The following DNAJB13 variants were observed in gnomAD, a reference collection of about 807,000 sequenced individuals.
DNAJB13 encodes the protein dnaJ homolog subfamily B member 13.
DNAJB13 carries 22 observed loss-of-function variants against 35.6 expected under a neutral mutation model. The ratio of observed to expected loss-of-function variants is 0.62; its 90% CI spans 0.44 to 0.88. The LOEUF is 0.88. DNAJB13 is among the 40% of genes least tolerant of loss of function. The pLI is 0.00. For missense variants in DNAJB13, 370 were observed against 384.3 expected (o/e 0.96, Z 0.31); for synonymous variants, 136 against 144.2 (o/e 0.94, Z 0.41).
At chr11:73,954,026 A>AT (rs1950660562) in intron 1 of DNAJB13, among the ~76,000 whole-genome samples, 16 of 141,484 alleles carry the variant, frequency 1.1e-4, no homozygotes, top group African/African-American at 4.0e-4. Flanking sequence ...AATAATAATA[A>AT]TAATAATAAT....
At position 73,959,772 on chromosome 11, in the gene DNAJB13, T is replaced by A. The variant is rs939747608; in HGVS notation, c.334+117T>A. On this transcript the variant is annotated intron_variant, in intron 3 of 7. Coordinates refer to ENST00000339764, the MANE Select transcript of DNAJB13 (RefSeq NM_153614.4). ...TTTATTATTTTATTTTATTTACTTA[T>A]TTTTTTTGGAGATGGAGACTCACTC... 2.9e-6 allele frequency: 3 copies of A among 1,023,764 alleles called. No homozygotes were observed. In the African/African-American group the frequency reaches 5.0e-5, roughly 17 times the overall value. 63.4% of individuals were successfully genotyped at this position (1,023,764 alleles called of 1,614,324 possible). A position where few individuals can be genotyped will look rare whatever the true frequency, so the allele number is the denominator to read the frequency against.
At chr11:73,953,123 G>A (rs1950627044) in intron 1 of DNAJB13, among the ~76,000 whole-genome samples, 1 of 152,168 alleles carries the variant, frequency 6.6e-6, no homozygotes. Context: ...CTACTTGGGA[G>A]GCTGAGGTGG....
At chr11:73,954,636 AAAAAATAAAAT>A (rs1215239188) in intron 1 of DNAJB13, among the ~76,000 whole-genome samples, 2 of 124,482 alleles carry the variant, frequency 1.6e-5, no homozygotes, top group African/African-American at 6.6e-5. Flanking sequence ...TCTCAAAAAA[AAAAAATAAAAT>A]AAATAAATAA....
In DNAJB13 at chr11:73,969,314, C is replaced by T. The variant is rs942430785; in HGVS notation, c.789C>T (p.Asp263=). The change falls in exon 7 of 8, where the codon GAC becomes GAT. Residue 263 remains aspartate (D), a synonymous_variant. Coordinates refer to ENST00000339764, the MANE Select transcript of DNAJB13 (RefSeq NM_153614.4). ...GTCTGCTCAACATCCCCATCAATGA[C>T]ATCATCCAGTGAGTCCATCTGCCTT... The part of the protein sequence containing the change: ...DDRLLNIPIN[D]IIHPKYFKKV... The T allele has an allele frequency of 1.1e-5, 10 of 872,662 alleles. No individual in the cohort carries two copies. Among genetic ancestry groups the T allele is most frequent in the Non-Finnish European group, 1.6e-5 (8 of 501,498 alleles). The allele number at this position is 872,662 out of a possible 1,614,324, so 54.1% of individuals were successfully genotyped here.
intron 3 of DNAJB13, 57 bp from the exon 4 acceptor site, chr11:73,964,821 G>GCGCA: frequency 6.8e-7 from 1 of 1,481,468 alleles, no homozygotes; most frequent in Non-Finnish European, 9.3e-7. Flanking sequence ...GTGCGCGCGC[G>GCGCA]CGCATGTCTG....
Position 73,970,014 on chromosome 11 carries a change from C to G in DNAJB13, c.851C>G (p.Pro284Arg), listed in dbSNP as rs550121287. The part of the protein sequence containing the change: ...PGEGMPLPED[P>R]TKKGDLFIFF... Reference sequence around the variant, plus strand: ...GAGGGGATGCCATTGCCGGAGGACCCCACTAAGAAAGGGGATCTCTTCATC... The same window carrying G: ...GAGGGGATGCCATTGCCGGAGGACCGCACTAAGAAAGGGGATCTCTTCATC... Residue 284 changes from proline (P) to arginine (R), a missense_variant, in exon 8 of 8, where the codon CCC becomes CGC. Physicochemically the swap from Pro to Arg is moderately radical, Grantham distance 103 (BLOSUM62 -2). Transcript: ENST00000339764. 5.0e-6 allele frequency: 8 copies of G among 1,611,720 alleles called. No homozygotes were observed. Among genetic ancestry groups the G allele is most frequent in the East Asian group, 2.2e-5 (1 of 44,838 alleles).
intron 4 of DNAJB13, 169 bp downstream of exon 4, chr11:73,965,204 G>A (rs756061168): frequency 7.8e-5 from 57 of 726,464 alleles, no homozygotes; most frequent in Non-Finnish European, 1.1e-4. Context: ...ATTCGGAAGG[G>A]ACAGTTGAAG....
intron 1 of DNAJB13, among the ~76,000 whole-genome samples, chr11:73,953,188 T>C (rs553165743): frequency 5.7e-4 from 87 of 152,256 alleles, no homozygotes; most frequent in African/African-American, 2.1e-3. Flanking sequence ...ATTGCACCAC[T>C]GCACTCCAGT....
At chr11:73,954,810 G>A (rs1203155333) in intron 1 of DNAJB13, among the ~76,000 whole-genome samples, 5 of 151,950 alleles carry the variant, frequency 3.3e-5, no homozygotes, top group African/African-American at 4.8e-5. Context: ...AATTAGCCAG[G>A]CGTGGTGACG....
chr11:73,964,854 T>A, intron 3 of DNAJB13, 24 bp from the exon 4 acceptor site: 2 of 1,594,016 alleles, frequency 1.3e-6, no homozygotes, highest in East Asian at 2.3e-5. Flanking sequence ...CAATTTCTCT[T>A]ACTCCTCTCC....
chr11:73,968,574 G>A (rs1055351881), intron 6 of DNAJB13, 116 bp downstream of exon 6: 2 of 789,790 alleles, frequency 2.5e-6, no homozygotes, highest in Non-Finnish European at 4.1e-6. Context: ...TAAGCCCTGT[G>A]GATTCCACCC....
chr11:73,958,193 C>A, intron 1 of DNAJB13, 124 bp from the exon 2 acceptor site: 1 of 940,270 alleles, frequency 1.1e-6, no homozygotes, highest in Non-Finnish European at 1.7e-6. Context: ...GCAGCCACCA[C>A]AGCTGGTGAA....
At position 73,958,434 on chromosome 11, in the gene DNAJB13, G is replaced by C. The variant is rs1179514908; in HGVS notation, c.172+14G>C. 1 of 1,610,712 alleles carries C rather than the reference G, an allele frequency of 6.2e-7. No homozygotes were observed. The highest frequency in any genetic ancestry group is 2.2e-5 in the East Asian group (1 of 44,844). On this transcript the variant is annotated intron_variant, in intron 2 of 7. Coordinates refer to ENST00000339764, the MANE Select transcript of DNAJB13 (RefSeq NM_153614.4). ...TGCTGAGTGACCGTGAGTAGGTGTG[G>C]GGCTGAGCACCCCGCTTGATTAGGA...
intron 5 of DNAJB13, 117 bp downstream of exon 5, chr11:73,966,368 G>A (rs1951116287): frequency 5.4e-6 from 5 of 920,414 alleles, no homozygotes; most frequent in Admixed American, 2.0e-5. Flanking sequence ...GCCTTGGTCT[G>A]TAGAGAGCCC....
At position 73,964,881 on chromosome 11, in the gene DNAJB13, T is replaced by G; in HGVS notation, c.338T>G (p.Phe113Cys). 1 of 1,612,220 alleles carries G rather than the reference T, an allele frequency of 6.2e-7. No homozygotes were observed. The highest frequency in any genetic ancestry group is 8.5e-7 in the Non-Finnish European group (1 of 1,179,658). Residue 113 changes from phenylalanine to cysteine, a missense_variant, in exon 4 of 8, where the codon TTT becomes TGT. By Grantham distance (205) the Phe-to-Cys change is radical. Coordinates refer to ENST00000339764, the MANE Select transcript of DNAJB13 (RefSeq NM_153614.4). ...CTCCTCTCCCTACCTCCTGCAGAGT[T>G]TTTTGATGCAGAAGGAAGTGAGGTA... ...FFGGNNPFSE[F>C]FDAEGSEVDL...
At chr11:73,952,206 G>A (rs1950603901) in intron 1 of DNAJB13, among the ~76,000 whole-genome samples, 2 of 152,228 alleles carry the variant, frequency 1.3e-5, no homozygotes, top group African/African-American at 4.8e-5. Flanking sequence ...TTAGGAGGCT[G>A]TTCGTGGTAA....
intron 3 of DNAJB13, among the ~76,000 whole-genome samples, chr11:73,962,174 A>T (rs1341887977): frequency 6.6e-6 from 1 of 152,094 alleles, no homozygotes; most frequent in Non-Finnish European, 1.5e-5. Context: ...GTGGGAAGAT[A>T]CCTCTTGTCT....
At chr11:73,966,072 A>G (rs754276905) in intron 4 of DNAJB13, 66 bp from the exon 5 acceptor site, 9 of 1,437,936 alleles carry the variant, frequency 6.3e-6, no homozygotes, top group Admixed American at 1.9e-5. Flanking sequence ...TGAAAATCTG[A>G]GCAAATCTCG....
chr11:73,954,185 G>A (rs1950667745), intron 1 of DNAJB13, among the ~76,000 whole-genome samples: 1 of 151,080 alleles, frequency 6.6e-6, no homozygotes, highest in Non-Finnish European at 1.5e-5. Context: ...AATTAGCCAG[G>A]TGTAGTGGCG....
Sources: allele counts gnomAD v4.1 joint callset (sites outside exome capture counted in the v4.1 genomes callset), GRCh38; gene constraint gnomAD v4.1.1; transcripts MANE v1.5; gene names NCBI Gene and HGNC (gene_info 2026-07-23, HGNC 2026-07-21).